RFTN1: variants seen among roughly 807,000 people sequenced by gnomAD.
RFTN1 encodes the protein raftlin.
RFTN1 carries 26 observed loss-of-function variants against 46.5 expected under a neutral mutation model. The observed-to-expected ratio is 0.56, with a 90% CI of 0.41 to 0.78. RFTN1 has a LOEUF of 0.78. Among genes scored for constraint, RFTN1 ranks in the 30% least tolerant of loss-of-function variants. The pLI is 0.00. For synonymous variants in RFTN1, 261 were observed against 284.2 expected (o/e 0.92, Z 0.82); for missense variants, 693 against 718.7 (o/e 0.96, Z 0.41).
At chr3:16,503,667 G>A (rs908899962) in intron 1 of RFTN1, among the ~76,000 whole-genome samples, 2 of 152,034 alleles carry the variant, frequency 1.3e-5, no homozygotes, top group African/African-American at 4.8e-5. Context: ...TCAGCCATAC[G>A]GATCTGCTTA....
Position 16,317,757 on chromosome 3 carries a change from G to A in RFTN1, c.1333-525C>T, listed in dbSNP as rs541512522. 3.5e-5 allele frequency among the ~76,000 whole-genome samples: 5 copies of A among 141,256 alleles called. No homozygotes were observed. Among genetic ancestry groups the A allele is most frequent in the East Asian group, 3.9e-4 (2 of 5,096 alleles). The allele number at this position is 141,256 out of a possible 152,430, so 92.7% of individuals were successfully genotyped here. ...ATCCCCCCACAGGACTGGCGGGCCC[G>A]CTCCCCAGCTAGGCCGATAGCCCTT... On this transcript the variant is annotated intron_variant, in intron 9 of 9. Transcript: ENST00000334133. The surrounding 1 kb of genome is among the most constrained non-coding windows in gnomAD (Gnocchi z 4.3).
In RFTN1 at chr3:16,433,351, T is replaced by C. The variant is rs1473344251; in HGVS notation, c.332+500A>G. Among the ~76,000 whole-genome samples, 1 of 152,152 alleles carries C rather than the reference T, an allele frequency of 6.6e-6. No individual in the cohort carries two copies. Among genetic ancestry groups the C allele is most frequent in the Non-Finnish European group, 1.5e-5 (1 of 68,020 alleles). ...GACCAAACCAATTATAGCATTTTAT[T>C]TAGGTGGTGTTTATTTTTTGTATTT... On this transcript the variant is annotated intron_variant, in intron 3 of 9. Transcript: ENST00000334133. This position sits in a 1 kb window ranked among gnomAD's most constrained non-coding sequence, Gnocchi z 4.4.
intron 7 of RFTN1, among the ~76,000 whole-genome samples, chr3:16,332,300 T>C (rs1216243141): frequency 6.6e-6 from 1 of 152,078 alleles, no homozygotes; most frequent in African/African-American, 2.4e-5. Context: ...TTCTTACTCT[T>C]TTAATTTTGC....
rs1159858120 is a variant in RFTN1 at position 16,321,960 on chromosome 3, T to C, written c.1332+1416A>G. On this transcript the variant is annotated intron_variant, in intron 9 of 9. Transcript: ENST00000334133. This position sits in a 1 kb window ranked among gnomAD's most constrained non-coding sequence, Gnocchi z 4.8. ...ACATGTCTCTCCTTTGGAATCTGTG[T>C]GCCCCACCACCAGGAACCTGTTAGG... 6.6e-6 allele frequency among the ~76,000 whole-genome samples: 1 copy of C among 152,216 alleles called. No homozygotes were observed. The highest frequency in any genetic ancestry group is 1.5e-5 in the Non-Finnish European group (1 of 68,038).
chr3:16,349,224 C>T (rs1575089653), intron 7 of RFTN1: 1 of 152,232 alleles, frequency 6.6e-6, no homozygotes, highest in African/African-American at 2.4e-5. Flanking sequence ...AAAAGAATTT[C>T]AGAGGCTCAG....
intron 7 of RFTN1, among the ~76,000 whole-genome samples, chr3:16,340,952 C>A (rs1325851397): frequency 6.6e-6 from 1 of 152,156 alleles, no homozygotes; most frequent in Admixed American, 6.6e-5. Context: ...ATTCATAAGA[C>A]TAAACAATAA....
rs570227010 is a variant in RFTN1 at position 16,413,380 on chromosome 3, G to A, written c.333-3897C>T. ...CACAGGACAAAGGAATAAATATTCC[G>A]CTATCAATCTAGTTTCTATGGAAGA... On this transcript the variant is annotated intron_variant, in intron 3 of 9. Coordinates refer to ENST00000334133, the MANE Select transcript of RFTN1 (RefSeq NM_015150.2). This position sits in a 1 kb window ranked among gnomAD's most constrained non-coding sequence, Gnocchi z 4.7. Among the ~76,000 whole-genome samples the A allele has an allele frequency of 1.2e-3, 183 of 152,346 alleles. No individual in the cohort carries two copies. Among genetic ancestry groups the A allele is most frequent in the African/African-American group, 4.2e-3 (174 of 41,576 alleles).
At chr3:16,332,125 A>G (rs2070378733) in intron 7 of RFTN1, among the ~76,000 whole-genome samples, 1 of 152,032 alleles carries the variant, frequency 6.6e-6, no homozygotes, top group African/African-American at 2.4e-5. Flanking sequence ...TGTTCACCTG[A>G]TGGCCTTGCA....
chr3:16,472,578 C>A (rs1388729718), intron 2 of RFTN1: 2 of 152,270 alleles, frequency 1.3e-5, no homozygotes, highest in Non-Finnish European at 1.5e-5. Flanking sequence ...AGGACTGGAC[C>A]AGGAGGCATT....
At chr3:16,398,603 A>T (rs1294662617) in intron 4 of RFTN1, among the ~76,000 whole-genome samples, 1 of 152,208 alleles carries the variant, frequency 6.6e-6, no homozygotes, top group African/African-American at 2.4e-5. Flanking sequence ...CCATGGCCAC[A>T]GCCAGGTCCG....
chr3:16,367,008 G>C (rs2073224572), intron 6 of RFTN1, among the ~76,000 whole-genome samples: 1 of 152,266 alleles, frequency 6.6e-6, no homozygotes, highest in Non-Finnish European at 1.5e-5. Context: ...GGGAGGCATG[G>C]GGAGGGGAGT....
chr3:16,494,460 T>C (rs1273987862), intron 1 of RFTN1, among the ~76,000 whole-genome samples: 1 of 152,212 alleles, frequency 6.6e-6, no homozygotes, highest in Non-Finnish European at 1.5e-5. Context: ...TCTTCGTTTT[T>C]AGACCAAACT....
chr3:16,362,371 T>C (rs530436872), intron 6 of RFTN1, among the ~76,000 whole-genome samples: 1 of 152,314 alleles, frequency 6.6e-6, no homozygotes, highest in Admixed American at 6.5e-5. Context: ...CTAAGAGACA[T>C]GTTTCATAGG....
At chr3:16,401,892 G>T (rs1385013132) in intron 4 of RFTN1, among the ~76,000 whole-genome samples, 2 of 152,344 alleles carry the variant, frequency 1.3e-5, no homozygotes, top group East Asian at 1.9e-4. Context: ...CGGAGGCTCA[G>T]TGGAAACTGC....
chr3:16,410,198 C>G lies in RFTN1; in HGVS notation c.333-715G>C, dbSNP rs2074954566. On this transcript the variant is annotated intron_variant, in intron 3 of 9. Transcript: ENST00000334133. This position sits in a 1 kb window ranked among gnomAD's most constrained non-coding sequence, Gnocchi z 4.6. ...ATAGAATGATGGGTTTGGTACAATACAGCTTACATGTTATACACACACACA... is the reference window on the plus strand; with the variant it reads ...ATAGAATGATGGGTTTGGTACAATAGAGCTTACATGTTATACACACACACA... 1.4e-5 allele frequency among the ~76,000 whole-genome samples: 2 copies of G among 147,622 alleles called. No individual in the cohort carries two copies. The highest frequency in any genetic ancestry group is 4.0e-4 in the East Asian group (2 of 4,984).
chr3:16,351,692 T>C lies in RFTN1; in HGVS notation c.1146+6240A>G, dbSNP rs2125320456. On this transcript the variant is annotated intron_variant, in intron 7 of 9. Transcript: ENST00000334133. The surrounding 1 kb of genome is among the most constrained non-coding windows in gnomAD (Gnocchi z 5.4). ...CTTCAGGGGTAAGCTGTATATAAGT[T>C]AGACCCATTATCCTAATTACATGTC... is the stretch of plus-strand genomic sequence containing the variant. Among the ~76,000 whole-genome samples, 1 of 152,296 alleles carries C rather than the reference T, an allele frequency of 6.6e-6. No homozygotes were observed.
Position 16,451,492 on chromosome 3 carries a change from A to T in RFTN1, c.146-17455T>A, listed in dbSNP as rs2075822850. Among the ~76,000 whole-genome samples the T allele has an allele frequency of 1.3e-5, 2 of 152,218 alleles. No homozygotes were observed. Among genetic ancestry groups the T allele is most frequent in the South Asian group, 2.1e-4 (1 of 4,822 alleles). On this transcript the variant is annotated intron_variant, in intron 2 of 9. Transcript: ENST00000334133. This position sits in a 1 kb window ranked among gnomAD's most constrained non-coding sequence, Gnocchi z 4.2. ...TATGCCAGTTGCACTGGTTATAATG[A>T]ATAAGCCTAATCAAATATTATATGA...
At chr3:16,430,580 G>A (rs186473947) in intron 3 of RFTN1, among the ~76,000 whole-genome samples, 2 of 152,230 alleles carry the variant, frequency 1.3e-5, no homozygotes, top group Middle Eastern at 3.4e-3. Flanking sequence ...AATACCATTG[G>A]GGCTAGAAGT....
At chr3:16,496,688 C>A (rs575988863) in intron 1 of RFTN1, among the ~76,000 whole-genome samples, 1 of 152,110 alleles carries the variant, frequency 6.6e-6, no homozygotes, top group Non-Finnish European at 1.5e-5. Flanking sequence ...GAAAGCTGAA[C>A]GCATGCCTAT....
Sources: gnomAD v4.1 joint callset for allele counts (sites outside exome capture counted in the v4.1 genomes callset) on GRCh38, gnomAD v4.1.1 for gene constraint, Gnocchi (gnomAD v3.1) non-coding constraint, MANE v1.5 for transcripts, NCBI Gene and HGNC (gene_info 2026-07-23, HGNC 2026-07-21) for gene names.